The following GDPD5 variants were observed in gnomAD, a reference collection of about 807,000 sequenced individuals.
The protein encoded by GDPD5 is glycerophosphodiester phosphodiesterase 2.
A neutral mutation model predicts 75.1 loss-of-function variants in GDPD5; 48 were observed. The observed-to-expected ratio is 0.64, with a 90% CI of 0.51 to 0.81. GDPD5 has a LOEUF of 0.81. Ranked by LOEUF, GDPD5 falls within the 40% of genes least tolerant of loss-of-function variation. The probability of loss-of-function intolerance (pLI) is 0.00; values close to 1 mark genes in which losing one functional copy is unlikely to be tolerated. For synonymous variants in GDPD5, 336 were observed against 339.0 expected, an observed-to-expected ratio of 0.99 and a Z score of 0.10; for missense variants, 706 against 822.6, an observed-to-expected ratio of 0.86 and a Z score of 1.73.
intron 3 of GDPD5, among the ~76,000 whole-genome samples, chr11:75,475,618 A>G (rs1797875845): frequency 6.6e-6 from 1 of 152,048 alleles, no homozygotes; most frequent in Non-Finnish European, 1.5e-5. Context: ...AAGTAGGAGG[A>G]GACAGGGGGC....
At chr11:75,443,018 G>C in intron 11 of GDPD5, 118 bp downstream of exon 11, 1 of 1,192,890 alleles carries the variant, frequency 8.4e-7, no homozygotes, top group Non-Finnish European at 1.2e-6. Context: ...TTGGGTGGAG[G>C]TCGCGAAAGC....
chr11:75,467,665 A>T (rs892594312), intron 3 of GDPD5, among the ~76,000 whole-genome samples: 5 of 151,990 alleles, frequency 3.3e-5, no homozygotes, highest in African/African-American at 1.2e-4. Flanking sequence ...CTGGGGCAGG[A>T]GTGGCCCCTG....
At position 75,490,325 on chromosome 11, in the gene GDPD5, G is replaced by A. The variant is rs1200752563; in HGVS notation, c.-144-5C>T. On this transcript the variant is annotated splice_region_variant and splice_polypyrimidine_tract_variant and intron_variant, in intron 1 of 16. Coordinates refer to ENST00000336898, the MANE Select transcript of GDPD5 (RefSeq NM_030792.8). Reference sequence around the variant, plus strand: ...GATATCACTTCACTGGGAGAGCTGAGAGGACAAGGGGATAAATCCAGTGAG... The same window carrying A: ...GATATCACTTCACTGGGAGAGCTGAAAGGACAAGGGGATAAATCCAGTGAG... 1 of 152,254 alleles carries A rather than the reference G, an allele frequency of 6.6e-6. No homozygotes were observed. Among genetic ancestry groups the A allele is most frequent in the Admixed American group, 6.5e-5 (1 of 15,282 alleles). The allele number at this position is 152,254 out of a possible 1,614,324, so 9.4% of individuals were successfully genotyped here.
intron 3 of GDPD5, among the ~76,000 whole-genome samples, chr11:75,471,527 T>C (rs1176956018): frequency 6.6e-6 from 1 of 152,138 alleles, no homozygotes. Context: ...TCCCAGCCTA[T>C]CCCTTGGCTG....
chr11:75,512,519 C>T (rs1212266197), intron 1 of GDPD5, among the ~76,000 whole-genome samples: 4 of 152,174 alleles, frequency 2.6e-5, no homozygotes, highest in African/African-American at 4.8e-5. Flanking sequence ...TCCCTCAACC[C>T]GTCCATGTTG....
intron 2 of GDPD5, among the ~76,000 whole-genome samples, chr11:75,487,007 C>A (rs1339677891): frequency 1.3e-5 from 2 of 152,138 alleles, no homozygotes; most frequent in Non-Finnish European, 2.9e-5. Context: ...ACAACTAAAC[C>A]CAAACCCACA....
At chr11:75,480,138 C>T (rs1949875352) in intron 2 of GDPD5, among the ~76,000 whole-genome samples, 1 of 152,066 alleles carries the variant, frequency 6.6e-6, no homozygotes, top group Admixed American at 6.5e-5. Context: ...AGTTCGAGAC[C>T]AGCCTGACTA....
intron 6 of GDPD5, chr11:75,450,683 C>A (rs1949118422): frequency 6.6e-6 from 1 of 152,396 alleles, no homozygotes; most frequent in Non-Finnish European, 1.5e-5. Flanking sequence ...GGACAGAGAT[C>A]TCTGGTGACA....
chr11:75,480,621 G>A (rs1949891363), intron 2 of GDPD5, among the ~76,000 whole-genome samples: 1 of 152,146 alleles, frequency 6.6e-6, no homozygotes, highest in South Asian at 2.1e-4. Flanking sequence ...TTTTATAGAT[G>A]AGAACTCTGA....
chr11:75,471,354 C>T (rs939787670), intron 3 of GDPD5, among the ~76,000 whole-genome samples: 10 of 152,194 alleles, frequency 6.6e-5, no homozygotes, highest in African/African-American at 1.9e-4. Context: ...AATCCCCACC[C>T]CCAGCCGGCT....
At chr11:75,473,830 A>C (rs7131225) in intron 3 of GDPD5, among the ~76,000 whole-genome samples, 8,482 of 152,238 alleles carry the variant, frequency 0.056, 346 homozygotes, top group East Asian at 0.13. Flanking sequence ...ATACTCCCAG[A>C]GGCCAGCTCG....
At position 75,435,202 on chromosome 11, in the gene GDPD5, C is replaced by T. The variant is rs1326096237; in HGVS notation, c.*305G>A. On this transcript the variant is annotated 3_prime_UTR_variant, in exon 17 of 17. Coordinates refer to ENST00000336898, the MANE Select transcript of GDPD5 (RefSeq NM_030792.8). ...GGGTATGGCATGGCCCATGACCCAT[C>T]AAAGCTTCCAGGTCGGGATACAGGA... The T allele has an allele frequency of 3.4e-6, 1 of 289,864 alleles. No individual in the cohort carries two copies. Among genetic ancestry groups the T allele is most frequent in the East Asian group, 6.2e-5 (1 of 16,032 alleles). 18.0% of individuals were successfully genotyped at this position (289,864 alleles called of 1,614,324 possible). A position where few individuals can be genotyped will look rare whatever the true frequency, so the allele number is the denominator to read the frequency against.
intron 2 of GDPD5, among the ~76,000 whole-genome samples, chr11:75,478,944 C>T (rs1185054893): frequency 1.3e-5 from 2 of 152,180 alleles, no homozygotes; most frequent in African/African-American, 4.8e-5. Flanking sequence ...TGCTCTAGTG[C>T]CCCAAAGTAT....
chr11:75,448,507 G>A (rs938741927), intron 9 of GDPD5: 5 of 986,220 alleles, frequency 5.1e-6, no homozygotes, highest in African/African-American at 1.7e-5. Flanking sequence ...CTCTCCTGCA[G>A]GGCTATGGAG....
chr11:75,441,877 ACCTGT>A lies in GDPD5; in HGVS notation c.1168-79_1168-75del, dbSNP rs1178328064. On this transcript the variant is annotated intron_variant, in intron 12 of 16. Coordinates refer to ENST00000336898, the MANE Select transcript of GDPD5 (RefSeq NM_030792.8). ...TAAGAGTACCTACTCCTCCTAGAGC[ACCTGT>A]GGGGTTAAGAGACAGGACCTGGCAG... 13 of 1,434,782 alleles carry A rather than the reference ACCTGT, an allele frequency of 9.1e-6. No homozygotes were observed. In the East Asian group the frequency reaches 2.9e-4, roughly 33 times the overall value. 88.9% of individuals were successfully genotyped at this position (1,434,782 alleles called of 1,614,324 possible). A position where few individuals can be genotyped will look rare whatever the true frequency, so the allele number is the denominator to read the frequency against.
Position 75,448,972 on chromosome 11 carries a change from C to T in GDPD5, c.714+5G>A. ...GGGCTGTTAGGACCCTGAGGTGGCA[C>T]TCACCATGGGGGCCCCGCGGTGGCC... On this transcript the variant is annotated splice_donor_5th_base_variant and intron_variant, in intron 9 of 16. Transcript: ENST00000336898. 8 of 1,558,534 alleles carry T rather than the reference C, an allele frequency of 5.1e-6. No individual in the cohort carries two copies. The highest frequency in any genetic ancestry group is 6.9e-6 in the Non-Finnish European group (8 of 1,162,498).
intron 2 of GDPD5, among the ~76,000 whole-genome samples, chr11:75,480,228 G>A (rs1379201484): frequency 6.6e-6 from 1 of 151,878 alleles, no homozygotes; most frequent in African/African-American, 2.4e-5. Flanking sequence ...CCAGCTACTC[G>A]GGAGGCTGAG....
chr11:75,491,333 C>T (rs1950104769), intron 1 of GDPD5, among the ~76,000 whole-genome samples: 1 of 152,208 alleles, frequency 6.6e-6, no homozygotes, highest in Admixed American at 6.5e-5. Context: ...TTCCTCTGCC[C>T]CCTACAATGA....
At chr11:75,485,435 G>A (rs1167799099) in intron 2 of GDPD5, 1 of 151,950 alleles carries the variant, frequency 6.6e-6, no homozygotes, top group Admixed American at 6.5e-5. Flanking sequence ...GCAGAGGAGG[G>A]TATATGGAAA....
Sources: gnomAD v4.1 joint callset for allele counts (sites outside exome capture counted in the v4.1 genomes callset) on GRCh38, gnomAD v4.1.1 for gene constraint, MANE v1.5 for transcripts, NCBI Gene and HGNC (gene_info 2026-07-23, HGNC 2026-07-21) for gene names.